Variants in SMAP1 observed in about 807,000 individuals in gnomAD.
SMAP1 encodes the protein small ArfGAP 1.
SMAP1 carries 24 observed loss-of-function variants against 58.5 expected under a neutral mutation model. The observed-to-expected ratio is 0.41, with a 90% CI of 0.30 to 0.58. SMAP1 has a LOEUF of 0.58. SMAP1 is among the 20% of genes least tolerant of loss of function. The pLI, the probability that SMAP1 is intolerant of heterozygous loss-of-function variation, is 0.29. For synonymous variants in SMAP1, 216 were observed against 196.6 expected (o/e 1.10, Z -0.82); for missense variants, 563 against 566.3 (o/e 0.99, Z 0.06).
At chr6:70,707,190 G>A (rs563892330) in intron 1 of SMAP1, among the ~76,000 whole-genome samples, 9 of 152,212 alleles carry the variant, frequency 5.9e-5, no homozygotes, top group Middle Eastern at 3.4e-3. Flanking sequence ...GATCACATAA[G>A]CATGGAACAT....
intron 1 of SMAP1, 127 bp downstream of exon 1, chr6:70,668,268 G>A: frequency 2.2e-6 from 2 of 922,784 alleles, no homozygotes; most frequent in East Asian, 3.0e-5. Flanking sequence ...CTGACTGGAG[G>A]GCGGGTGGCT....
intron 1 of SMAP1, among the ~76,000 whole-genome samples, chr6:70,706,048 A>C (rs1767824395): frequency 6.6e-6 from 1 of 152,224 alleles, no homozygotes; most frequent in Non-Finnish European, 1.5e-5. Flanking sequence ...GAATGACAGC[A>C]CTTGGTGGTT....
chr6:70,859,139 A>G (rs1305734971), intron 10 of SMAP1: 1 of 507,214 alleles, frequency 2.0e-6, no homozygotes. Flanking sequence ...CACAATCACT[A>G]TATATCACAG....
At chr6:70,824,844 GTA>G (rs902826818) in intron 6 of SMAP1, among the ~76,000 whole-genome samples, 1 of 152,150 alleles carries the variant, frequency 6.6e-6, no homozygotes, top group Non-Finnish European at 1.5e-5. Context: ...CATTTTTACT[GTA>G]TGTGTTGGCT....
intron 6 of SMAP1, among the ~76,000 whole-genome samples, chr6:70,827,999 A>G (rs1770205254): frequency 6.6e-6 from 1 of 152,232 alleles, no homozygotes; most frequent in Non-Finnish European, 1.5e-5. Flanking sequence ...AAGATTTTGA[A>G]TAAATAAGAT....
At chr6:70,775,985 T>A (rs1767530444) in intron 4 of SMAP1, among the ~76,000 whole-genome samples, 1 of 152,170 alleles carries the variant, frequency 6.6e-6, no homozygotes, top group African/African-American at 2.4e-5. Flanking sequence ...TGAGCACTCA[T>A]CCAAATAAAT....
intron 6 of SMAP1, among the ~76,000 whole-genome samples, chr6:70,835,198 G>T (rs1770525085): frequency 7.0e-6 from 1 of 142,718 alleles, no homozygotes; most frequent in Admixed American, 7.5e-5. Flanking sequence ...CTTGCAGTGA[G>T]CCAAGATTGC....
intron 3 of SMAP1, among the ~76,000 whole-genome samples, chr6:70,767,182 A>C (rs1383738708): frequency 1.3e-5 from 2 of 151,982 alleles, no homozygotes; most frequent in Non-Finnish European, 2.9e-5. Flanking sequence ...AGGTAGCGTG[A>C]TGCCTCCAGC....
At chr6:70,680,658 A>G (rs1239194891) in intron 1 of SMAP1, among the ~76,000 whole-genome samples, 1 of 152,046 alleles carries the variant, frequency 6.6e-6, no homozygotes, top group Non-Finnish European at 1.5e-5. Flanking sequence ...TATTTACAAA[A>G]GAATCCATAC....
chr6:70,679,910 G>C (rs1020354211), intron 1 of SMAP1, among the ~76,000 whole-genome samples: 1 of 151,982 alleles, frequency 6.6e-6, no homozygotes, highest in African/African-American at 2.4e-5. Flanking sequence ...GAAATGCAAG[G>C]GACCTTCCAA....
At chr6:70,765,571 A>C (rs187613436) in intron 3 of SMAP1, among the ~76,000 whole-genome samples, 38 of 152,288 alleles carry the variant, frequency 2.5e-4, no homozygotes, top group African/African-American at 8.9e-4. Flanking sequence ...TAAAGCAAAA[A>C]TTGTATTGAG....
intron 2 of SMAP1, 47 bp from the exon 3 acceptor site, chr6:70,754,933 A>G: frequency 8.2e-7 from 1 of 1,216,906 alleles, no homozygotes; most frequent in Non-Finnish European, 1.2e-6. Flanking sequence ...TGCAGGAATC[A>G]CTTTTTAATG....
At chr6:70,801,108 A>G (rs550126683) in intron 6 of SMAP1, among the ~76,000 whole-genome samples, 16 of 152,262 alleles carry the variant, frequency 1.1e-4, no homozygotes, top group African/African-American at 3.8e-4. Context: ...CTTCCACAAT[A>G]GTTGAACTAA....
chr6:70,834,131 T>G (rs1171628499), intron 6 of SMAP1, among the ~76,000 whole-genome samples: 1 of 152,180 alleles, frequency 6.6e-6, no homozygotes, highest in Non-Finnish European at 1.5e-5. Context: ...ATTTAGCTTT[T>G]TCTTTCCTTT....
intron 6 of SMAP1, among the ~76,000 whole-genome samples, chr6:70,800,447 C>T (rs992454292): frequency 2.0e-5 from 3 of 151,938 alleles, no homozygotes; most frequent in African/African-American, 4.8e-5. Context: ...AGATACTAGT[C>T]CTTTTTCAGT....
intron 1 of SMAP1, among the ~76,000 whole-genome samples, chr6:70,681,506 G>A (rs1766709360): frequency 6.6e-6 from 1 of 152,180 alleles, no homozygotes; most frequent in Admixed American, 6.5e-5. Flanking sequence ...TTATGTAGCA[G>A]TTTCTCAATT....
intron 1 of SMAP1, among the ~76,000 whole-genome samples, chr6:70,730,389 GACTT>G (rs1765381329): frequency 6.6e-6 from 1 of 152,274 alleles, no homozygotes; most frequent in African/African-American, 2.4e-5. Flanking sequence ...CTTAGTTTGA[GACTT>G]ACTTGCTAAA....
chr6:70,832,418 A>AT (rs113746527), intron 6 of SMAP1, among the ~76,000 whole-genome samples: 13 of 152,316 alleles, frequency 8.5e-5, no homozygotes, highest in African/African-American at 3.1e-4. Flanking sequence ...CTATTTAAAA[A>AT]TTTTTTTAAA....
intron 3 of SMAP1, among the ~76,000 whole-genome samples, chr6:70,771,177 G>C (rs1404036386): frequency 6.6e-6 from 1 of 152,236 alleles, no homozygotes; most frequent in Non-Finnish European, 1.5e-5. Flanking sequence ...GTGCCTCCCA[G>C]TTAGGCTGCT....
Sources: allele counts gnomAD v4.1 joint callset (sites outside exome capture counted in the v4.1 genomes callset), GRCh38; gene constraint gnomAD v4.1.1; transcripts MANE v1.5; gene names NCBI Gene and HGNC (gene_info 2026-07-23, HGNC 2026-07-21).